Variants in PSMA2 observed in about 807,000 individuals in gnomAD.
PSMA2 encodes proteasome 20S subunit alpha 2.
In PSMA2, 2 loss-of-function variants were observed where a neutral mutation model predicts 35.9. The ratio of observed to expected loss-of-function variants is 0.06; its 90% CI spans 0.02 to 0.18. The LOEUF is 0.18. Among genes scored for constraint, PSMA2 ranks in the 10% least tolerant of loss-of-function variants. The pLI, the probability that PSMA2 is intolerant of heterozygous loss-of-function variation, is 1.00. For synonymous variants in PSMA2, 97 were observed against 98.2 expected (o/e 0.99, Z 0.07); for missense variants, 126 against 278.8 (o/e 0.45, Z 3.90).
At chr7:42,927,519 ATC>A (rs1270101314) in intron 1 of PSMA2, 60 bp from the exon 2 acceptor site, 2 of 1,496,974 alleles carry the variant, frequency 1.3e-6, no homozygotes, top group African/African-American at 2.8e-5. Flanking sequence ...TTGTAAGAAC[ATC>A]TCTGAGATAG....
At chr7:42,919,625 A>G in intron 6 of PSMA2, 1 of 564,296 alleles carries the variant, frequency 1.8e-6, no homozygotes, top group Non-Finnish European at 3.4e-6. Context: ...TATATTTCTG[A>G]GGGAGAGATT....
intron 6 of PSMA2, chr7:42,919,940 A>G (rs1288905077): frequency 9.3e-6 from 7 of 752,766 alleles, no homozygotes; most frequent in Non-Finnish European, 1.7e-5. Context: ...GGAAAAACAT[A>G]TGGCCTTTGG....
At position 42,917,761 on chromosome 7, in the gene PSMA2, T is replaced by G; in HGVS notation, c.588+17A>C. 1 of 1,611,694 alleles carries G rather than the reference T, an allele frequency of 6.2e-7. No homozygotes were observed. The highest frequency in any genetic ancestry group is 8.5e-7 in the Non-Finnish European group (1 of 1,178,026). ...CATGAAATCATTATAAATCCAGTTG[T>G]TGAATACTGAGCTAACCTTTAGGGT... On this transcript the variant is annotated intron_variant, in intron 7 of 7. Coordinates refer to ENST00000223321, the MANE Select transcript of PSMA2 (RefSeq NM_002787.5).
intron 4 of PSMA2, among the ~76,000 whole-genome samples, chr7:42,923,813 G>C (rs1786163563): frequency 6.6e-6 from 1 of 151,820 alleles, no homozygotes; most frequent in African/African-American, 2.4e-5. Context: ...AATTACTGCA[G>C]CTTTTCCACT....
chr7:42,922,954 C>T (rs1362684076), intron 5 of PSMA2, among the ~76,000 whole-genome samples: 1 of 152,170 alleles, frequency 6.6e-6, no homozygotes, highest in Admixed American at 6.5e-5. Flanking sequence ...GGAAAACTCA[C>T]TCAAGTCAGC....
At chr7:42,921,801 C>T in intron 6 of PSMA2, 57 bp downstream of exon 6, 1 of 1,377,074 alleles carries the variant, frequency 7.3e-7, no homozygotes, top group South Asian at 1.2e-5. Flanking sequence ...ACTTAAAGAG[C>T]ACCAAAAACC....
At chr7:42,919,125 G>A in intron 6 of PSMA2, 1 of 471,200 alleles carries the variant, frequency 2.1e-6, no homozygotes, top group African/African-American at 2.0e-5. Flanking sequence ...CGCCTGGCCA[G>A]TCTTATGAGT....
rs58198756 is a variant in PSMA2 at position 42,924,353 on chromosome 7, C to CAAAAAAAAAAAA, written c.374+310_374+321dup. ...TGGGCGACAGAGTGAGACTCTGACT[C>CAAAAAAAAAAAA]AAAAAAAAAAAAAAAAAAAAAAAAA... On this transcript the variant is annotated intron_variant, in intron 4 of 7. Transcript: ENST00000223321. 1.9e-4 allele frequency among the ~76,000 whole-genome samples: 13 copies of CAAAAAAAAAAAA among 69,418 alleles called. 1 individual carries two copies. Among genetic ancestry groups the CAAAAAAAAAAAA allele is most frequent in the African/African-American group, 8.0e-4 (13 of 16,266 alleles). The allele number at this position is 69,418 out of a possible 152,430, so 45.5% of individuals were successfully genotyped here.
chr7:42,927,584 T>A, intron 1 of PSMA2, 125 bp from the exon 2 acceptor site: 1 of 870,772 alleles, frequency 1.1e-6, no homozygotes, highest in Non-Finnish European at 1.8e-6. Flanking sequence ...GTAACTGGCC[T>A]TTGACCTCTA....
chr7:42,931,130 G>C (rs1786302034), intron 1 of PSMA2: 1 of 452,152 alleles, frequency 2.2e-6, no homozygotes, highest in African/African-American at 2.0e-5. Flanking sequence ...ATTTGTACAA[G>C]CTGCGGTTAG....
At chr7:42,924,191 C>CAAAAAAAAA (rs5883851) in intron 4 of PSMA2, among the ~76,000 whole-genome samples, 1 of 137,358 alleles carries the variant, frequency 7.3e-6, no homozygotes. Context: ...CAAAAAAATA[C>CAAAAAAAAA]AAAAAAAAAA....
At position 42,926,550 on chromosome 7, in the gene PSMA2, C is replaced by T; in HGVS notation, c.237G>A (p.Met79Ile). ...GTATAAAGTACCTGTAATCGGGGCC[C>T]ATGCCACTGTACACCAAACCTATAT... ...TKHIGLVYSG[M>I]GPDYRVLVHR... The change falls in exon 3 of 8, where the codon ATG becomes ATA. Residue 79 changes from methionine (M) to isoleucine (I), a missense_variant. Transcript: ENST00000223321. The T allele has an allele frequency of 6.3e-7, 1 of 1,591,056 alleles. No homozygotes were observed. Among genetic ancestry groups the T allele is most frequent in the Non-Finnish European group, 8.5e-7 (1 of 1,172,438 alleles).
In PSMA2 at chr7:42,929,685, T is replaced by C. The variant is rs1786266825; in HGVS notation, c.42-2226A>G. Among the ~76,000 whole-genome samples the C allele has an allele frequency of 2.0e-5, 3 of 152,346 alleles. No individual in the cohort carries two copies. In the South Asian group the frequency reaches 6.2e-4, roughly 32 times the overall value. On this transcript the variant is annotated intron_variant, in intron 1 of 7. Transcript: ENST00000223321. ...GACCATGTCACCTACACTTAGATTT[T>C]GTAATAACTTCTTTGTTCACGTAAA...
At position 42,932,149 on chromosome 7, in the gene PSMA2, G is replaced by A; in HGVS notation, c.10C>T (p.Arg4Cys). 4 of 1,614,114 alleles carry A rather than the reference G, an allele frequency of 2.5e-6. No individual in the cohort carries two copies. The highest frequency in any genetic ancestry group is 3.4e-6 in the Non-Finnish European group (4 of 1,180,040). MAERGYSFSLTTFS... is the reference protein window; with the variant it reads MAECGYSFSLTTFS... Reference sequence around the variant, plus strand: ...GTAGTCAGCGAAAAGCTGTACCCGCGCTCCGCCATCTTTACCCGAAGAGCC... The same window carrying A: ...GTAGTCAGCGAAAAGCTGTACCCGCACTCCGCCATCTTTACCCGAAGAGCC... Residue 4 changes from arginine to cysteine, a missense_variant, in exon 1 of 8, where the codon CGC becomes TGC. Arg to Cys is a radical substitution (Grantham distance 180). Around this residue, in one of 3 missense-constraint regions of PSMA2, gnomAD observed 78 missense variants for 151.1 expected, o/e 0.52. Transcript: ENST00000223321.
intron 4 of PSMA2, among the ~76,000 whole-genome samples, chr7:42,924,389 A>G (rs979647070): frequency 1.3e-5 from 2 of 151,134 alleles, no homozygotes; most frequent in Admixed American, 6.6e-5. Context: ...AGAAAAATTT[A>G]AAGTTGCAAT....
rs1786097540 is a variant in PSMA2 at position 42,919,796 on chromosome 7, T to C, written c.531-1961A>G. 5 of 680,980 alleles carry C rather than the reference T, an allele frequency of 7.3e-6. No individual in the cohort carries two copies. In the Admixed American group the frequency reaches 1.1e-4, roughly 14 times the overall value. 42.2% of individuals were successfully genotyped at this position (680,980 alleles called of 1,614,324 possible). On this transcript the variant is annotated intron_variant, in intron 6 of 7. Transcript: ENST00000223321. ...GAAGATGTTAAACTTATAAGTATGA[T>C]GATAATAGTGGAGAAGAATTAGAAT...
Position 42,927,635 on chromosome 7 carries a change from A to G in PSMA2, c.42-176T>C, listed in dbSNP as rs147298606. On this transcript the variant is annotated intron_variant, in intron 1 of 7. Coordinates refer to ENST00000223321, the MANE Select transcript of PSMA2 (RefSeq NM_002787.5). ...GAAACCAAGTTTACAGCTGGGCGCAATGACTCAAGTTTGTAATCCCAGCAC... is the reference window on the plus strand; with the variant it reads ...GAAACCAAGTTTACAGCTGGGCGCAGTGACTCAAGTTTGTAATCCCAGCAC... Among the ~76,000 whole-genome samples the G allele has an allele frequency of 5.7e-3, 874 of 152,320 alleles. 15 individuals carry two copies. Among genetic ancestry groups the G allele is most frequent in the African/African-American group, 0.02 (844 of 41,556 alleles).
intron 6 of PSMA2, chr7:42,921,059 C>G (rs932058129): frequency 6.6e-6 from 1 of 152,090 alleles, no homozygotes; most frequent in African/African-American, 2.4e-5. Context: ...TACGGTCAGA[C>G]AGGAGGAATA....
rs1429558798 is a variant in PSMA2 at position 42,921,968 on chromosome 7, A to C, written c.457-37T>G. Reference sequence around the variant, plus strand: ...AGAAAGAGTAAAAAACCATATTTTAAAACACAAATACAATTATATTGCCCT... The same window carrying C: ...AGAAAGAGTAAAAAACCATATTTTACAACACAAATACAATTATATTGCCCT... On this transcript the variant is annotated intron_variant, in intron 5 of 7. Coordinates refer to ENST00000223321, the MANE Select transcript of PSMA2 (RefSeq NM_002787.5). 42 of 1,507,310 alleles carry C rather than the reference A, an allele frequency of 2.8e-5. No homozygotes were observed. The Admixed American group carries it at 7.2e-4, about 26-fold the overall frequency. 93.4% of individuals were successfully genotyped at this position (1,507,310 alleles called of 1,614,324 possible).
Sources: allele counts gnomAD v4.1 joint callset (sites outside exome capture counted in the v4.1 genomes callset), GRCh38; gene constraint gnomAD v4.1.1; regional missense constraint gnomAD v4.1.1; transcripts MANE v1.5; gene names NCBI Gene and HGNC (gene_info 2026-07-23, HGNC 2026-07-21).